The following WWP2 variants were observed in gnomAD, a reference collection of about 807,000 sequenced individuals.
WWP2 encodes the protein WW domain containing E3 ubiquitin protein ligase 2, also known as NEDD4-like E3 ubiquitin-protein ligase WWP2.
Under a neutral mutation model 121.0 loss-of-function variants are expected in WWP2, and 57 were observed. That is an observed-to-expected ratio of 0.47 (90% CI 0.38 to 0.59). WWP2 has a LOEUF of 0.59. Ranked by LOEUF, WWP2 falls within the 20% of genes least tolerant of loss-of-function variation. The pLI is 0.00. For missense variants in WWP2, 962 were observed against 1,158.9 expected, an observed-to-expected ratio of 0.83 and a Z score of 2.47; for synonymous variants, 449 against 441.3, an observed-to-expected ratio of 1.02 and a Z score of -0.22.
intron 4 of WWP2, among the ~76,000 whole-genome samples, chr16:69,807,193 G>A (rs767845781): frequency 6.6e-6 from 1 of 151,844 alleles, no homozygotes; most frequent in Non-Finnish European, 1.5e-5. Context: ...ACGTCACCAT[G>A]CCCGGCTAAT....
intron 1 of WWP2, chr16:69,776,343 T>A (rs922092721): frequency 8.5e-5 from 13 of 152,140 alleles, no homozygotes; most frequent in African/African-American, 3.1e-4. Context: ...TAGGAGGGAA[T>A]CTTTCTTGAC....
chr16:69,808,894 C>G (rs547781358), intron 4 of WWP2, among the ~76,000 whole-genome samples: 1 of 152,328 alleles, frequency 6.6e-6, no homozygotes, highest in East Asian at 1.9e-4. Flanking sequence ...ATGTACAGAT[C>G]TAGGAGCTTT....
intron 9 of WWP2, chr16:69,909,224 T>C (rs1394179155): frequency 1.0e-6 from 1 of 1,000,080 alleles, no homozygotes; most frequent in Non-Finnish European, 1.2e-6. Context: ...GAGGGAAGAC[T>C]GTCCAAGTTC....
At chr16:69,933,900 GAC>G (rs2058756868) in intron 16 of WWP2, 68 bp from the exon 17 acceptor site, 1 of 1,540,392 alleles carries the variant, frequency 6.5e-7, no homozygotes, top group Admixed American at 1.7e-5. Context: ...ATGGTGAAGA[GAC>G]ACAGCTCCTG....
chr16:69,929,189 G>GACCA (rs1273244435), intron 11 of WWP2, among the ~76,000 whole-genome samples: 1 of 151,690 alleles, frequency 6.6e-6, no homozygotes, highest in Non-Finnish European at 1.5e-5. Flanking sequence ...CCCTCCCTCC[G>GACCA]ACCAATCAAC....
In WWP2 at chr16:69,925,551, C is replaced by T. The variant is rs961830821; in HGVS notation, c.1234+67C>T. 1.6e-5 allele frequency: 25 copies of T among 1,574,062 alleles called. No individual in the cohort carries two copies. Among genetic ancestry groups the T allele is most frequent in the Non-Finnish European group, 1.8e-5 (21 of 1,154,752 alleles). On this transcript the variant is annotated intron_variant, in intron 11 of 23. Transcript: ENST00000359154. The surrounding 1 kb of genome is among the most constrained non-coding windows in gnomAD (Gnocchi z 4.0). Reference sequence around the variant, plus strand: ...GCCACGGTGCTCTGTCCTCTCCTCCCGCGTGTCTTCCTTCCCTGTTCCTGT... The same window carrying T: ...GCCACGGTGCTCTGTCCTCTCCTCCTGCGTGTCTTCCTTCCCTGTTCCTGT...
At chr16:69,878,345 GC>G (rs1018564472) in intron 7 of WWP2, among the ~76,000 whole-genome samples, 5 of 152,298 alleles carry the variant, frequency 3.3e-5, no homozygotes, top group African/African-American at 1.2e-4. Flanking sequence ...ATGTCAGGTT[GC>G]CACAAGCCTT....
chr16:69,917,583 C>G, intron 9 of WWP2, 126 bp from the exon 10 acceptor site: 1 of 1,090,302 alleles, frequency 9.2e-7, no homozygotes, highest in African/African-American at 1.6e-5. Context: ...CTGCTATAAT[C>G]AGCTAAGCCC....
Position 69,921,958 on chromosome 16 carries a change from C to T in WWP2, c.1180-3472C>T, listed in dbSNP as rs536084469. ...GCGTGGTGGCGGGCACCTTTAGTCCCAGCTACTTGGGAGGCTGAGGCAGGA... is the reference window on the plus strand; with the variant it reads ...GCGTGGTGGCGGGCACCTTTAGTCCTAGCTACTTGGGAGGCTGAGGCAGGA... On this transcript the variant is annotated intron_variant, in intron 10 of 23. Coordinates refer to ENST00000359154, the MANE Select transcript of WWP2 (RefSeq NM_001270454.2). Among the ~76,000 whole-genome samples the T allele has an allele frequency of 5.3e-5, 8 of 151,842 alleles. 1 individual carries two copies. In the South Asian group the frequency reaches 1.7e-3, roughly 32 times the overall value.
At chr16:69,930,648 A>C (rs1597178119) in intron 13 of WWP2, among the ~76,000 whole-genome samples, 1 of 152,302 alleles carries the variant, frequency 6.6e-6, no homozygotes, top group Non-Finnish European at 1.5e-5. Flanking sequence ...GCAGTGAGCT[A>C]TGATGGCACC....
chr16:69,862,446 A>G (rs2057439281), intron 6 of WWP2, among the ~76,000 whole-genome samples: 1 of 148,404 alleles, frequency 6.7e-6, no homozygotes, highest in Non-Finnish European at 1.5e-5. Flanking sequence ...AGCTCACTGC[A>G]GCCTCCATTC....
intron 6 of WWP2, among the ~76,000 whole-genome samples, chr16:69,859,856 A>G (rs1019431255): frequency 6.6e-6 from 1 of 151,752 alleles, no homozygotes; most frequent in African/African-American, 2.4e-5. Flanking sequence ...AGACTGAGAG[A>G]GCACCGCCCC....
intron 16 of WWP2, among the ~76,000 whole-genome samples, chr16:69,932,704 G>A (rs919123254): frequency 1.2e-4 from 18 of 152,326 alleles, no homozygotes; most frequent in African/African-American, 4.3e-4. Context: ...GGGCTCAACT[G>A]CATGTCACAT....
At chr16:69,777,922 T>C (rs1293327924) in intron 1 of WWP2, among the ~76,000 whole-genome samples, 2 of 150,230 alleles carry the variant, frequency 1.3e-5, no homozygotes, top group Non-Finnish European at 3.0e-5. Flanking sequence ...TTTAAAAAAT[T>C]AGGTGAGTCT....
intron 4 of WWP2, among the ~76,000 whole-genome samples, chr16:69,815,683 A>T (rs2056476069): frequency 1.3e-5 from 2 of 150,082 alleles, no homozygotes; most frequent in Non-Finnish European, 3.0e-5. Context: ...GCTGCTTGGG[A>T]GGCTGAGGCA....
intron 10 of WWP2, among the ~76,000 whole-genome samples, chr16:69,918,900 G>A (rs1463772241): frequency 7.1e-6 from 1 of 140,686 alleles, no homozygotes; most frequent in Non-Finnish European, 1.5e-5. Context: ...CTGGAGTGCA[G>A]TGGCACAATC....
At chr16:69,805,718 C>T (rs2056261442) in intron 4 of WWP2, among the ~76,000 whole-genome samples, 1 of 151,680 alleles carries the variant, frequency 6.6e-6, no homozygotes, top group Non-Finnish European at 1.5e-5. Flanking sequence ...TCAAGCAATC[C>T]TCCCATCTCA....
chr16:69,822,127 A>G (rs1420843999), intron 4 of WWP2, among the ~76,000 whole-genome samples: 1 of 152,074 alleles, frequency 6.6e-6, no homozygotes, highest in Non-Finnish European at 1.5e-5. Context: ...TCAGCCTCCC[A>G]TAATGCTGGA....
At chr16:69,778,029 C>T (rs1035601168) in intron 1 of WWP2, among the ~76,000 whole-genome samples, 15 of 149,928 alleles carry the variant, frequency 1.0e-4, no homozygotes, top group African/African-American at 3.2e-4. Context: ...ATGATTGTGC[C>T]ACTGCACTCC....
Sources: gnomAD v4.1 joint callset for allele counts (sites outside exome capture counted in the v4.1 genomes callset) on GRCh38, gnomAD v4.1.1 for gene constraint, Gnocchi (gnomAD v3.1) non-coding constraint, MANE v1.5 for transcripts, NCBI Gene and HGNC (gene_info 2026-07-23, HGNC 2026-07-21) for gene names.